Variants in SEMA3D observed in about 807,000 individuals in gnomAD.
SEMA3D encodes the protein semaphorin-3D.
A neutral mutation model predicts 100.1 loss-of-function variants in SEMA3D; 84 were observed. The ratio of observed to expected loss-of-function variants is 0.84; its 90% confidence interval spans 0.70 to 1.01. The LOEUF (loss-of-function observed/expected upper bound fraction) is 1.01. Ranked by LOEUF, SEMA3D falls within the 50% of genes least tolerant of loss-of-function variation. The pLI, the probability that SEMA3D is intolerant of heterozygous loss-of-function variation, is 0.00. For missense variants in SEMA3D, 875 were observed against 934.1 expected (o/e 0.94, Z 0.82); for synonymous variants, 312 against 320.7 (o/e 0.97, Z 0.29).
intron 3 of SEMA3D, among the ~76,000 whole-genome samples, chr7:85,110,061 C>A (rs769057764): frequency 1.3e-4 from 19 of 151,972 alleles, no homozygotes; most frequent in Non-Finnish European, 1.9e-4. Context: ...GCTGAGCTCT[C>A]TTTTACCCTG....
chr7:85,033,886 CA>C, intron 12 of SEMA3D, among the ~76,000 whole-genome samples: 1 of 151,636 alleles, frequency 6.6e-6, no homozygotes, highest in African/African-American at 2.4e-5. Context: ...CACACACACA[CA>C]CACACAATCT....
chr7:85,159,695 A>C (rs953168318), intron 1 of SEMA3D, among the ~76,000 whole-genome samples: 2 of 152,206 alleles, frequency 1.3e-5, no homozygotes, highest in African/African-American at 4.8e-5. Context: ...ATTCTCACTT[A>C]ATCATCGTAG....
chr7:85,241,846 T>C, the SEMA3D span, among the ~76,000 whole-genome samples: 15 of 151,878 alleles, frequency 9.9e-5, 1 homozygote, highest in South Asian at 3.1e-3. Flanking sequence ...AGTAAATAAA[T>C]AAATAAACTA....
intron 17 of SEMA3D, among the ~76,000 whole-genome samples, chr7:85,012,288 T>C (rs1425774804): frequency 6.6e-6 from 1 of 151,764 alleles, no homozygotes; most frequent in Non-Finnish European, 1.5e-5. Context: ...CCAGGACAAT[T>C]ACATGCACAT....
At chr7:85,191,695 G>C (rs911461683), upstream of SEMA3D, among the ~76,000 whole-genome samples, 1 of 152,144 alleles carries the variant, frequency 6.6e-6, no homozygotes, top group Non-Finnish European at 1.5e-5. Flanking sequence ...TAACTGGCAA[G>C]AGCAGGTCCA....
At chr7:85,221,810 T>C in the SEMA3D span, among the ~76,000 whole-genome samples, 1 of 152,054 alleles carries the variant, frequency 6.6e-6, no homozygotes, top group Non-Finnish European at 1.5e-5. Context: ...TTGACTTAAA[T>C]GTCAAATTCT....
intron 4 of SEMA3D, among the ~76,000 whole-genome samples, chr7:85,093,543 T>C (rs952231525): frequency 1.3e-5 from 2 of 152,006 alleles, no homozygotes; most frequent in Admixed American, 1.3e-4. Flanking sequence ...ATTTTCATCT[T>C]TGTAGTCACT....
the SEMA3D span, among the ~76,000 whole-genome samples, chr7:85,241,002 TAAG>T: frequency 6.6e-6 from 1 of 151,956 alleles, no homozygotes; most frequent in South Asian, 2.1e-4. Context: ...AATAGTGTGC[TAAG>T]AATATGAATA....
intron 5 of SEMA3D, among the ~76,000 whole-genome samples, chr7:85,076,877 T>C (rs926992175): frequency 2.0e-5 from 3 of 152,036 alleles, no homozygotes; most frequent in African/African-American, 7.2e-5. Context: ...GGGTGGATCA[T>C]GAGGTCAGGA....
intron 17 of SEMA3D, among the ~76,000 whole-genome samples, chr7:85,009,336 T>C (rs1047492734): frequency 6.6e-6 from 1 of 151,772 alleles, no homozygotes; most frequent in Admixed American, 6.6e-5. Flanking sequence ...CTGATAATCA[T>C]GCAATTTTGT....
intron 11 of SEMA3D, among the ~76,000 whole-genome samples, chr7:85,039,895 G>A (rs920389532): frequency 2.7e-5 from 4 of 150,216 alleles, no homozygotes; most frequent in Admixed American, 6.6e-5. Context: ...ATTTATCCAC[G>A]TATTTCCTTA....
the SEMA3D span, among the ~76,000 whole-genome samples, chr7:85,241,958 T>A: frequency 2.0e-4 from 30 of 152,052 alleles, no homozygotes; most frequent in Non-Finnish European, 3.5e-4. Flanking sequence ...CGCTGTACAG[T>A]GTTGGTGGGA....
intron 8 of SEMA3D, among the ~76,000 whole-genome samples, chr7:85,059,614 C>T (rs2190213): frequency 0.26 from 39,362 of 151,882 alleles, 5,145 homozygotes; most frequent in Non-Finnish European, 0.3. Flanking sequence ...AATCTTCTCT[C>T]TAGAGAGAAA....
intron 12 of SEMA3D, among the ~76,000 whole-genome samples, chr7:85,026,584 T>C (rs1021100222): frequency 6.6e-6 from 1 of 152,094 alleles, no homozygotes; most frequent in Admixed American, 6.6e-5. Flanking sequence ...ACTATCATAG[T>C]CTAACACTAG....
intron 1 of SEMA3D, among the ~76,000 whole-genome samples, chr7:85,169,904 T>C (rs1452359385): frequency 6.6e-6 from 1 of 151,630 alleles, no homozygotes; most frequent in Non-Finnish European, 1.5e-5. Flanking sequence ...CCATATAAAA[T>C]AGTTTTAAAT....
intron 4 of SEMA3D, among the ~76,000 whole-genome samples, chr7:85,092,301 C>T (rs564908155): frequency 6.6e-6 from 1 of 151,922 alleles, no homozygotes; most frequent in Non-Finnish European, 1.5e-5. Context: ...GTCTCCCTAA[C>T]TAAGATTAGA....
In SEMA3D at chr7:85,106,290, G is replaced by A. The variant is rs969783709; in HGVS notation, c.152-8325C>T. ...TTACAAAGAATGTTTAAAATTAAACGCCATGTCACACATATTTGGTATTTG... is the reference window on the plus strand; with the variant it reads ...TTACAAAGAATGTTTAAAATTAAACACCATGTCACACATATTTGGTATTTG... On this transcript the variant is annotated intron_variant, in intron 3 of 18. Coordinates refer to ENST00000284136, the MANE Select transcript of SEMA3D (RefSeq NM_001384900.1). 3.9e-5 allele frequency among the ~76,000 whole-genome samples: 6 copies of A among 152,012 alleles called. No individual in the cohort carries two copies. In the East Asian group the frequency reaches 7.8e-4, roughly 20 times the overall value.
At chr7:85,116,436 T>G (rs1433136878) in intron 3 of SEMA3D, among the ~76,000 whole-genome samples, 1 of 147,502 alleles carries the variant, frequency 6.8e-6, no homozygotes, top group East Asian at 1.9e-4. Flanking sequence ...TATTTACATA[T>G]GTATATACAT....
In SEMA3D at chr7:85,022,395, T is replaced by A. The variant is rs1386664872; in HGVS notation, c.1410A>T (p.Gly470=). 1 of 1,609,146 alleles carries A rather than the reference T, an allele frequency of 6.2e-7. No individual in the cohort carries two copies. Among genetic ancestry groups the A allele is most frequent in the Non-Finnish European group, 8.5e-7 (1 of 1,176,156 alleles). The part of the protein sequence containing the change: ...EDGQYDVMFL[G]TDIGTVLKVV... ...CCTAATCTAGTTTTAGCTTACCTGT[T>A]CCAAGAAACATTACATCGTACTGGC... Residue 470 remains glycine, a synonymous_variant, in exon 13 of 19, where the codon GGA becomes GGT. Transcript: ENST00000284136.
Sources: gnomAD v4.1 joint callset for allele counts (sites outside exome capture counted in the v4.1 genomes callset) on GRCh38, gnomAD v4.1.1 for gene constraint, MANE v1.5 for transcripts, NCBI Gene and HGNC (gene_info 2026-07-23, HGNC 2026-07-21) for gene names.